Variants in BEND7 observed in about 807,000 individuals in gnomAD.
BEND7 encodes BEN domain-containing protein 7.
A neutral mutation model predicts 50.9 loss-of-function variants in BEND7; 28 were observed. The observed-to-expected ratio is 0.55, with a 90% CI of 0.41 to 0.75. The LOEUF (loss-of-function observed/expected upper bound fraction) is 0.75, where lower values mean the gene tolerates loss of function less well. BEND7 is among the 30% of genes least tolerant of loss of function. BEND7 has a pLI of 0.00. For missense variants in BEND7, 477 were observed against 491.3 expected (o/e 0.97, Z 0.28); for synonymous variants, 170 against 183.9 (o/e 0.92, Z 0.61).
intron 6 of BEND7, among the ~76,000 whole-genome samples, chr10:13,475,077 C>A (rs1440954859): frequency 6.6e-6 from 1 of 152,104 alleles, no homozygotes; most frequent in Non-Finnish European, 1.5e-5. Context: ...GTGGAAGGGG[C>A]TGGAAGTAGA....
chr10:13,482,521 T>C (rs1176319794), intron 5 of BEND7, among the ~76,000 whole-genome samples: 4 of 152,188 alleles, frequency 2.6e-5, no homozygotes. Flanking sequence ...TTTTGTCCTA[T>C]CACTTTTCAA....
At chr10:13,492,574 T>G in intron 5 of BEND7, 37 bp downstream of exon 5, 1 of 1,606,102 alleles carries the variant, frequency 6.2e-7, no homozygotes, top group Non-Finnish European at 8.5e-7. Context: ...AAAAGTTACA[T>G]AGCATTAGAG....
downstream of BEND7, chr10:13,438,999 A>T: frequency 1.5e-6 from 1 of 645,248 alleles, no homozygotes; most frequent in Non-Finnish European, 2.6e-6. Flanking sequence ...TTGCATATTC[A>T]TGGAAACCTC....
chr10:13,493,094 G>A (rs991829285), intron 4 of BEND7, among the ~76,000 whole-genome samples: 5 of 152,226 alleles, frequency 3.3e-5, no homozygotes, highest in Admixed American at 6.5e-5. Flanking sequence ...AGGAGAAAGC[G>A]TTACTGCAGG....
chr10:13,497,627 A>G (rs1359213094), intron 3 of BEND7, among the ~76,000 whole-genome samples: 3 of 152,110 alleles, frequency 2.0e-5, no homozygotes, highest in African/African-American at 7.2e-5. Context: ...TTCCTTGGTA[A>G]ACCTATCTTA....
At chr10:13,483,686 T>A (rs1030997898) in intron 5 of BEND7, among the ~76,000 whole-genome samples, 3 of 152,114 alleles carry the variant, frequency 2.0e-5, no homozygotes, top group African/African-American at 7.2e-5. Context: ...GCCCCCTCCA[T>A]GTGTAGGAAT....
intron 2 of BEND7, among the ~76,000 whole-genome samples, chr10:13,509,746 G>A (rs1026972847): frequency 6.6e-6 from 1 of 152,156 alleles, no homozygotes; most frequent in African/African-American, 2.4e-5. Context: ...GAAGTGAAGT[G>A]GGCAATGGCG....
intron 1 of BEND7, among the ~76,000 whole-genome samples, chr10:13,526,437 T>C (rs957533369): frequency 2.6e-5 from 4 of 152,260 alleles, no homozygotes; most frequent in African/African-American, 9.6e-5. Flanking sequence ...ACTTTGGCTT[T>C]AGAAGACAGC....
At chr10:13,438,854 A>G (rs1419433969), downstream of BEND7, 3 of 304,432 alleles carry the variant, frequency 9.9e-6, no homozygotes, top group Admixed American at 1.4e-4. Flanking sequence ...GCCACTGTCC[A>G]ACCAGCCTGA....
chr10:13,471,174 G>A (rs766303931), intron 6 of BEND7, among the ~76,000 whole-genome samples: 1 of 152,116 alleles, frequency 6.6e-6, no homozygotes, highest in Non-Finnish European at 1.5e-5. Flanking sequence ...CTCTGTTAGG[G>A]GTCATCGCTG....
chr10:13,515,813 G>A (rs1428910566), intron 2 of BEND7, among the ~76,000 whole-genome samples: 1 of 152,212 alleles, frequency 6.6e-6, no homozygotes, highest in Admixed American at 6.5e-5. Context: ...ATTGCCTTCA[G>A]GATGACTGAT....
intron 2 of BEND7, among the ~76,000 whole-genome samples, chr10:13,522,722 G>A (rs1350334844): frequency 6.6e-6 from 1 of 152,122 alleles, no homozygotes; most frequent in Non-Finnish European, 1.5e-5. Context: ...CTGTTGCCCT[G>A]ATCATTCACA....
intron 6 of BEND7, among the ~76,000 whole-genome samples, chr10:13,479,351 GA>G (rs1168797191): frequency 6.7e-6 from 1 of 150,334 alleles, no homozygotes; most frequent in Non-Finnish European, 1.5e-5. Flanking sequence ...AGTGTAGATG[GA>G]AAATGGCAGA....
In BEND7 at chr10:13,452,632, T is replaced by C; in HGVS notation, c.1090A>G (p.Asn364Asp). The change falls in exon 7 of 9, where the codon AAC becomes GAC. Residue 364 changes from asparagine to aspartate, a missense_variant. Physicochemically the swap from Asn to Asp is conservative, Grantham distance 23. Around this residue, in one of 3 missense-constraint regions of BEND7, gnomAD observed 64 missense variants for 68.5 expected, o/e 0.93. Coordinates refer to ENST00000466271, the MANE Select transcript of BEND7 (RefSeq NM_001369863.1). The part of the protein sequence containing the change: ...KVFTEKYCTA[N>D]HVDKLPGPRD... Reference sequence around the variant, plus strand: ...GGGCCAGGAAGCTTATCCACATGGTTAGCTGTACAGTACTTTTCTGTGAAG... The same window carrying C: ...GGGCCAGGAAGCTTATCCACATGGTCAGCTGTACAGTACTTTTCTGTGAAG... The C allele has an allele frequency of 6.2e-7, 1 of 1,611,740 alleles. No homozygotes were observed. Among genetic ancestry groups the C allele is most frequent in the Non-Finnish European group, 8.5e-7 (1 of 1,178,580 alleles).
At chr10:13,507,675 T>A (rs1376240195) in intron 2 of BEND7, among the ~76,000 whole-genome samples, 1 of 152,118 alleles carries the variant, frequency 6.6e-6, no homozygotes, top group East Asian at 1.9e-4. Context: ...AGCCTGAAGG[T>A]GAGGCCACAG....
chr10:13,497,344 A>G (rs928676790), intron 3 of BEND7, among the ~76,000 whole-genome samples: 3 of 152,262 alleles, frequency 2.0e-5, no homozygotes, highest in Admixed American at 6.5e-5. Flanking sequence ...TATTGAAAAT[A>G]GTTTTGATAT....
chr10:13,492,585 T>G, intron 5 of BEND7, 26 bp downstream of exon 5: 1 of 1,612,030 alleles, frequency 6.2e-7, no homozygotes. Context: ...AGCATTAGAG[T>G]CAGCAGCCAG....
intron 2 of BEND7, among the ~76,000 whole-genome samples, chr10:13,504,900 C>CGTAA (rs1819498833): frequency 6.6e-6 from 1 of 152,134 alleles, no homozygotes; most frequent in Admixed American, 6.5e-5. Context: ...CGTTCCTTTA[C>CGTAA]GCAAAGAATT....
chr10:13,504,813 A>G (rs1357696583), intron 2 of BEND7, among the ~76,000 whole-genome samples: 1 of 152,246 alleles, frequency 6.6e-6, no homozygotes, highest in Non-Finnish European at 1.5e-5. Flanking sequence ...TTTAGTAACT[A>G]TACTCCTTGG....
Sources: gnomAD v4.1 joint callset for allele counts (sites outside exome capture counted in the v4.1 genomes callset) on GRCh38, gnomAD v4.1.1 for gene constraint, gnomAD v4.1.1 regional missense constraint, MANE v1.5 for transcripts, NCBI Gene and HGNC (gene_info 2026-07-23, HGNC 2026-07-21) for gene names.